FILIP1: variants seen among roughly 807,000 people sequenced by gnomAD.
The protein encoded by FILIP1 is filamin A interacting protein 1.
Under a neutral mutation model 102.1 loss-of-function variants are expected in FILIP1, and 61 were observed. The observed-to-expected ratio is 0.60, with a 90% CI of 0.49 to 0.74. The LOEUF (loss-of-function observed/expected upper bound fraction) is 0.74. FILIP1 is among the 30% of genes least tolerant of loss of function. The pLI, the probability that FILIP1 is intolerant of heterozygous loss-of-function variation, is 0.00. For missense variants in FILIP1, 1,314 were observed against 1,441.2 expected (o/e 0.91, Z 1.43); for synonymous variants, 491 against 526.9 (o/e 0.93, Z 0.93).
intron 4 of FILIP1, among the ~76,000 whole-genome samples, chr6:75,334,047 G>C (rs1774163031): frequency 6.6e-6 from 1 of 152,100 alleles, no homozygotes; most frequent in South Asian, 2.1e-4. Flanking sequence ...CAAAGAGAGA[G>C]CTGCAGAAAA....
intron 1 of FILIP1, among the ~76,000 whole-genome samples, chr6:75,433,191 C>G (rs191020962): frequency 1.1e-3 from 169 of 152,172 alleles, no homozygotes; most frequent in African/African-American, 3.9e-3. Flanking sequence ...GGGTATATAC[C>G]CAGTAATGGT....
At chr6:75,392,184 C>A (rs1776298650) in intron 2 of FILIP1, among the ~76,000 whole-genome samples, 1 of 152,090 alleles carries the variant, frequency 6.6e-6, no homozygotes, top group Admixed American at 6.6e-5. Context: ...GCTGGAATTA[C>A]CCAGGGCTTA....
chr6:75,378,247 C>T (rs1463519785), intron 2 of FILIP1, among the ~76,000 whole-genome samples: 1 of 152,192 alleles, frequency 6.6e-6, no homozygotes, highest in Non-Finnish European at 1.5e-5. Context: ...ATGTCCTACA[C>T]TTAGGAACAC....
chr6:75,302,777 C>A (rs981464382), intron 6 of FILIP1, among the ~76,000 whole-genome samples: 1 of 151,754 alleles, frequency 6.6e-6, no homozygotes, highest in South Asian at 2.1e-4. Context: ...TAATAAGGAA[C>A]TTTTGGGCGG....
At chr6:75,358,180 G>A (rs1775063231) in intron 3 of FILIP1, 1 of 152,154 alleles carries the variant, frequency 6.6e-6, no homozygotes, top group African/African-American at 2.4e-5. Flanking sequence ...GTATGTTTTA[G>A]ATAAAAAGGC....
intron 2 of FILIP1, among the ~76,000 whole-genome samples, chr6:75,369,428 G>A (rs932097380): frequency 1.1e-4 from 17 of 152,178 alleles, no homozygotes; most frequent in South Asian, 2.1e-4. Context: ...GTCTAGCAAG[G>A]CAGCCATAAA....
chr6:75,436,260 T>A (rs972205174), intron 1 of FILIP1, among the ~76,000 whole-genome samples: 5 of 151,686 alleles, frequency 3.3e-5, no homozygotes, highest in Non-Finnish European at 7.4e-5. Flanking sequence ...TAATCCCAGC[T>A]ACTTGGGAGG....
At chr6:75,363,908 A>G (rs1359207220) in intron 2 of FILIP1, among the ~76,000 whole-genome samples, 2 of 152,206 alleles carry the variant, frequency 1.3e-5, no homozygotes, top group Non-Finnish European at 2.9e-5. Context: ...TCCTATATTG[A>G]TGCTAACTGT....
chr6:75,402,078 TGA>T (rs1468624704), intron 2 of FILIP1, among the ~76,000 whole-genome samples: 2 of 152,200 alleles, frequency 1.3e-5, no homozygotes, highest in African/African-American at 4.8e-5. Context: ...AAAGGATTTA[TGA>T]GAGATTTTCT....
intron 1 of FILIP1, chr6:75,465,349 A>G (rs1050959003): frequency 4.7e-6 from 2 of 429,914 alleles, no homozygotes; most frequent in African/African-American, 4.2e-5. Context: ...GACCTAAATA[A>G]CCAGAAGCAG....
In FILIP1 at chr6:75,312,466, T is replaced by G; in HGVS notation, c.3366A>C (p.Ala1122=). 6.2e-7 allele frequency: 1 copy of G among 1,614,140 alleles called. No homozygotes were observed. Among genetic ancestry groups the G allele is most frequent in the East Asian group, 2.2e-5 (1 of 44,876 alleles). The stretch of plus-strand genomic sequence containing the variant: ...TGGTGATAGTGCTCGTCACTTTGCT[T>G]GCACCAGGCCGTGAGGAGAGGTGAT... ...PRNHLSSRPG[A]SKVTSTITIT... The change falls in exon 5 of 6, where the codon GCA becomes GCC. Residue 1122 remains alanine (A), a synonymous_variant. Coordinates refer to ENST00000237172, the MANE Select transcript of FILIP1 (RefSeq NM_015687.5).
chr6:75,372,695 G>A lies in FILIP1; in HGVS notation c.277-9778C>T, dbSNP rs1333762031. ...AAAGAAAGAAAGAAAGAGAAAGAAA[G>A]AGAAAGAAAGAAAGAAAGGAAAGAA... On this transcript the variant is annotated intron_variant, in intron 2 of 5. Transcript: ENST00000237172. 1.4e-3 allele frequency among the ~76,000 whole-genome samples: 39 copies of A among 28,370 alleles called. No homozygotes were observed. In the East Asian group the frequency reaches 0.017, roughly 12 times the overall value. 18.6% of individuals were successfully genotyped at this position (28,370 alleles called of 152,430 possible).
intron 1 of FILIP1, among the ~76,000 whole-genome samples, chr6:75,478,614 C>A (rs12211255): frequency 0.076 from 11,623 of 152,140 alleles, 584 homozygotes; most frequent in Non-Finnish European, 0.1. Flanking sequence ...TGGGAAATAA[C>A]GCAAGACAGG....
At chr6:75,490,931 G>A (rs1485308640) in intron 1 of FILIP1, among the ~76,000 whole-genome samples, 1 of 152,046 alleles carries the variant, frequency 6.6e-6, no homozygotes, top group Non-Finnish European at 1.5e-5. Context: ...AGCCACAAAT[G>A]TGAATGGAAC....
intron 1 of FILIP1, among the ~76,000 whole-genome samples, chr6:75,422,076 A>G (rs1024865119): frequency 1.3e-5 from 2 of 152,182 alleles, no homozygotes; most frequent in African/African-American, 4.8e-5. Flanking sequence ...AGAGAAAAGC[A>G]TTTAACTATC....
Position 75,414,902 on chromosome 6 carries a change from A to ATG in FILIP1, c.69_70dup (p.Ile24ThrfsTer37). 6.2e-7 allele frequency: 1 copy of ATG among 1,613,888 alleles called. No individual in the cohort carries two copies. Among genetic ancestry groups the ATG allele is most frequent in the Non-Finnish European group, 8.5e-7 (1 of 1,179,864 alleles). ...GAGACTTTTTTCACCAGCATTGCCG[A>ATG]TGATGGAGGGCTTGGGACAGGAGAT... is the stretch of plus-strand genomic sequence containing the variant. On this transcript the variant is annotated frameshift_variant, in exon 2 of 6. Transcript: ENST00000237172. LOFTEE classifies it high-confidence loss of function.
chr6:75,295,567 C>T, exon 7 of FILIP1: 1 of 178,838 alleles, frequency 5.6e-6, no homozygotes, highest in East Asian at 1.4e-4. Context: ...GATATATGTG[C>T]CAGAGACTAT....
At chr6:75,333,910 ACCT>A (rs1347295312) in intron 4 of FILIP1, among the ~76,000 whole-genome samples, 1 of 152,054 alleles carries the variant, frequency 6.6e-6, no homozygotes, top group Admixed American at 6.6e-5. Context: ...TTGAAATCAA[ACCT>A]CCTATTTACT....
At chr6:75,382,831 G>T (rs1199070739) in intron 2 of FILIP1, among the ~76,000 whole-genome samples, 1 of 152,100 alleles carries the variant, frequency 6.6e-6, no homozygotes, top group East Asian at 1.9e-4. Context: ...TCTGCAGGCA[G>T]AAAAATGAGA....
Sources: gnomAD v4.1 joint callset for allele counts (sites outside exome capture counted in the v4.1 genomes callset) on GRCh38, gnomAD v4.1.1 for gene constraint, MANE v1.5 for transcripts, NCBI Gene and HGNC (gene_info 2026-07-23, HGNC 2026-07-21) for gene names.